The following PER1 variants were observed in gnomAD, a reference collection of about 807,000 sequenced individuals.
The protein encoded by PER1 is period circadian protein homolog 1.
In PER1, 87 loss-of-function variants were observed where a neutral mutation model predicts 125.9. The observed-to-expected ratio is 0.69, with a 90% CI of 0.58 to 0.83. The LOEUF is 0.83. Ranked by LOEUF, PER1 falls within the 40% of genes least tolerant of loss-of-function variation. The probability of loss-of-function intolerance (pLI) is 0.00; values close to 1 mark genes in which losing one functional copy is unlikely to be tolerated. For synonymous variants in PER1, 801 were observed against 714.7 expected, an observed-to-expected ratio of 1.12 and a Z score of -1.93; for missense variants, 1,775 against 1,722.8, an observed-to-expected ratio of 1.03 and a Z score of -0.54.
chr17:8,144,848 C>G lies in PER1; in HGVS notation c.2364G>C (p.Gln788His), dbSNP rs1471652945. The change falls in exon 18 of 23, where the codon CAG becomes CAC. Residue 788 changes from glutamine to histidine, a missense_variant. By Grantham distance (24) the Gln-to-His change is conservative. Coordinates refer to ENST00000317276, the MANE Select transcript of PER1 (RefSeq NM_002616.3). ...LTKAVLSLHT[Q>H]KEEQAFLSRF... ...GGCTGAGGAAGGCTTGCTCTTCCTT[C>G]TGTGTGTGCAGGGACAGCACGGCCT... 8.2e-6 allele frequency: 13 copies of G among 1,587,202 alleles called. No individual in the cohort carries two copies. Among genetic ancestry groups the G allele is most frequent in the South Asian group, 5.7e-5 (5 of 87,278 alleles).
rs200398465 is a variant in PER1, at chr17:8,141,172, C to T, written c.3769G>A (p.Gly1257Arg). Reference protein sequence around the residue: ...EGEGCEEAQGGAKASSSQDLA... With the variant: ...EGEGCEEAQGRAKASSSQDLA... The stretch of plus-strand genomic sequence containing the variant: ...TCCTGAGAGCTTGAAGCCTTGGCCC[C>T]GCCTTGGGCCTCCTCGCAGCCCTCT... Residue 1257 changes from glycine (G) to arginine (R), a missense_variant, in exon 23 of 23, where the codon GGG becomes AGG. Coordinates refer to ENST00000317276, the MANE Select transcript of PER1 (RefSeq NM_002616.3). 1.5e-5 allele frequency: 25 copies of T among 1,614,084 alleles called. No individual in the cohort carries two copies. The Middle Eastern group carries it at 8.2e-4, about 53-fold the overall frequency.
At position 8,143,442 on chromosome 17, in the gene PER1, G is replaced by C; in HGVS notation, c.2896C>G (p.Pro966Ala). 1 of 1,610,498 alleles carries C rather than the reference G, an allele frequency of 6.2e-7. No individual in the cohort carries two copies. Among genetic ancestry groups the C allele is most frequent in the Non-Finnish European group, 8.5e-7 (1 of 1,178,092 alleles). Reference protein sequence around the residue: ...PSLPALAPSPPHRPDSPLFNS... With the variant: ...PSLPALAPSPAHRPDSPLFNS... ...AACAGTGGAGAGTCCGGGCGGTGAG[G>C]AGGACTCGGGGCGAGGGCGGGCAAG... The change falls in exon 19 of 23, where the codon CCT (proline) becomes GCT (alanine). Residue 966 changes from proline (P) to alanine (A), a missense_variant. Transcript: ENST00000317276.
In PER1 at chr17:8,143,312, C is replaced by T. The variant is rs749925114; in HGVS notation, c.3026G>A (p.Gly1009Glu). 1 of 1,593,522 alleles carries T rather than the reference C, an allele frequency of 6.3e-7. No individual in the cohort carries two copies. Among genetic ancestry groups the T allele is most frequent in the Non-Finnish European group, 8.6e-7 (1 of 1,169,100 alleles). ...AVAGGPGSSA[G>E]PPPPSAEAAE... ...AGCCTCCGCACTGGGAGGTGGGGGC[C>T]CGGCACTGCTCCCAGGGCCTCCTGC... The change falls in exon 19 of 23, where the codon GGG becomes GAG. Residue 1009 changes from glycine to glutamate, a missense_variant. Physicochemically the swap from Gly to Glu is moderately conservative, Grantham distance 98. Transcript: ENST00000317276.
rs896706770 is a variant in PER1 at position 8,148,018 on chromosome 17, T to G, written c.1213A>C (p.Met405Leu). 1 of 1,613,106 alleles carries G rather than the reference T, an allele frequency of 6.2e-7. No homozygotes were observed. The highest frequency in any genetic ancestry group is 1.1e-5 in the South Asian group (1 of 90,932). ...LFLHPEDRPL[M>L]LAIHKKILQL... ...TCACTCTTCTTGTGGATAGCCAGCA[T>G]GAGGGGTCGGTCCTCAGGATGCAGG... is the stretch of plus-strand genomic sequence containing the variant. The change falls in exon 10 of 23, where the codon ATG (methionine) becomes CTG (leucine). Residue 405 changes from methionine (M) to leucine (L), a missense_variant. Coordinates refer to ENST00000317276, the MANE Select transcript of PER1 (RefSeq NM_002616.3).
rs748359668 is a variant in PER1, at chr17:8,147,699, C to T, written c.1363G>A (p.Val455Met). 4 of 1,613,970 alleles carry T rather than the reference C, an allele frequency of 2.5e-6. No homozygotes were observed. Among genetic ancestry groups the T allele is most frequent in the African/African-American group, 1.3e-5 (1 of 74,946 alleles). The change falls in exon 11 of 23, where the codon GTG becomes ATG. Residue 455 changes from valine (V) to methionine (M), a missense_variant. Coordinates refer to ENST00000317276, the MANE Select transcript of PER1 (RefSeq NM_002616.3). The stretch of plus-strand genomic sequence containing the variant: ...GTGCGTACTTTGTGGCGGCCCAACA[C>T]GAAGGCTACCTTGCGGCTCCAGGGG... Reference protein sequence around the residue: ...VHPWSRKVAFVLGRHKVRTAP... With the variant: ...VHPWSRKVAFMLGRHKVRTAP...
In PER1 at chr17:8,143,288, G is replaced by A. The variant is rs1241841424; in HGVS notation, c.3050C>T (p.Ala1017Val). The A allele has an allele frequency of 1.3e-6, 2 of 1,564,784 alleles. No homozygotes were observed. Among genetic ancestry groups the A allele is most frequent in the Admixed American group, 3.6e-5 (2 of 55,576 alleles). The change falls in exon 19 of 23, where the codon GCT (alanine) becomes GTT (valine). Residue 1017 changes from alanine to valine, a missense_variant. Ala to Val is a moderately conservative substitution (Grantham distance 64, BLOSUM62 0). Coordinates refer to ENST00000317276, the MANE Select transcript of PER1 (RefSeq NM_002616.3). ...SAGPPPPSAE[A>V]AEPEARLAEV... ...CACCAGTCTGGCCTCTGGCTCAGCA[G>A]CCTCCGCACTGGGAGGTGGGGGCCC...
Position 8,143,441 on chromosome 17 carries a change from G to A in PER1, c.2897C>T (p.Pro966Leu), listed in dbSNP as rs781751799. ...GAACAGTGGAGAGTCCGGGCGGTGA[G>A]GAGGACTCGGGGCGAGGGCGGGCAA... ...PSLPALAPSPPHRPDSPLFNS... is the reference protein window; with the variant it reads ...PSLPALAPSPLHRPDSPLFNS... The change falls in exon 19 of 23, where the codon CCT becomes CTT. Residue 966 changes from proline (P) to leucine (L), a missense_variant. Coordinates refer to ENST00000317276, the MANE Select transcript of PER1 (RefSeq NM_002616.3). The A allele has an allele frequency of 1.9e-6, 3 of 1,610,190 alleles. No individual in the cohort carries two copies. The highest frequency in any genetic ancestry group is 3.4e-5 in the Admixed American group (2 of 59,584).
At chr17:8,146,230 G>C (rs914726907) in intron 16 of PER1, 93 bp from the exon 17 acceptor site, 142 of 1,517,570 alleles carry the variant, frequency 9.4e-5, no homozygotes, top group Non-Finnish European at 1.2e-4. Flanking sequence ...GATGGTGGTA[G>C]GGAACAGAGG....
At chr17:8,148,855 A>T (rs762352820) in intron 7 of PER1, 69 bp from the exon 8 acceptor site, 1 of 1,553,890 alleles carries the variant, frequency 6.4e-7, no homozygotes, top group Non-Finnish European at 8.8e-7. Context: ...CAATAAGGTC[A>T]CAGCAGACAA....
In PER1 at chr17:8,148,098, G is replaced by A. The variant is rs770067945; in HGVS notation, c.1133C>T (p.Ala378Val). ...CLFQDVDERA[A>V]PLLGYLPQDL... The stretch of plus-strand genomic sequence containing the variant: ...CTGGGGCAGGTAGCCCAGCAGGGGG[G>A]CAGCCCTGAACGGGAAGGAGGCATC... The change falls in exon 10 of 23, where the codon GCC (alanine) becomes GTC (valine). Residue 378 changes from alanine (A) to valine (V), a missense_variant. Ala to Val is a moderately conservative substitution (Grantham distance 64). Transcript: ENST00000317276. The A allele has an allele frequency of 6.2e-7, 1 of 1,612,736 alleles. No individual in the cohort carries two copies. The highest frequency in any genetic ancestry group is 2.2e-5 in the East Asian group (1 of 44,876).
chr17:8,148,085 G>T lies in PER1; in HGVS notation c.1146C>A (p.Gly382=). The stretch of plus-strand genomic sequence containing the variant: ...CCCCCAGGAGGTCCTGGGGCAGGTA[G>T]CCCAGCAGGGGGGCAGCCCTGAACG... ...DVDERAAPLL[G]YLPQDLLGAP... is the part of the protein sequence containing the mutation. The change falls in exon 10 of 23, where the codon GGC becomes GGA. Residue 382 remains glycine (G), a synonymous_variant. Transcript: ENST00000317276. The T allele has an allele frequency of 6.2e-7, 1 of 1,612,270 alleles. No homozygotes were observed. Among genetic ancestry groups the T allele is most frequent in the Non-Finnish European group, 8.5e-7 (1 of 1,179,252 alleles).
intron 3 of PER1, 39 bp from the exon 4 acceptor site, chr17:8,150,164 G>C: frequency 6.2e-7 from 1 of 1,607,196 alleles, no homozygotes; most frequent in Middle Eastern, 1.7e-4. Context: ...AAAGACATTA[G>C]TCCCAGAGTG....
rs201198250 is a variant in PER1 at position 8,146,930 on chromosome 17, G to A, written c.1702C>T (p.Arg568Trp). Residue 568 changes from arginine to tryptophan, a missense_variant, in exon 14 of 23, where the codon CGG (arginine) becomes TGG (tryptophan). Arg to Trp is a moderately radical substitution (Grantham distance 101). Transcript: ENST00000317276. ...HQGQQLFIES[R>W]ARPQSRPRLP... ...CGGGGCCGGGACTGAGGCCGGGCCC[G>A]AGACTCAATAAAAAGCTGCTGGCCC... The A allele has an allele frequency of 5.0e-6, 8 of 1,614,056 alleles. No individual in the cohort carries two copies. In the East Asian group the frequency reaches 6.7e-5, roughly 13 times the overall value.
rs1982586857 is a variant in PER1, at chr17:8,148,242, CA to C, written c.1065del (p.Asp356ThrfsTer97). 2 of 1,613,962 alleles carry C rather than the reference CA, an allele frequency of 1.2e-6. No homozygotes were observed. The highest frequency in any genetic ancestry group is 1.7e-6 in the Non-Finnish European group (2 of 1,179,976). On this transcript the variant is annotated frameshift_variant, in exon 9 of 23. Coordinates refer to ENST00000317276, the MANE Select transcript of PER1 (RefSeq NM_002616.3). LOFTEE classifies it high-confidence loss of function. The part of the protein sequence containing the change: ...HSGYEAPRIP[P>X]DKRIFTTRHT... ...TGCCGCGTAGTGAAAATCCTCTTGT[CA>C]GGGGGTATCCGGGGAGCTGAGGCAC...
intron 22 of PER1, among the ~76,000 whole-genome samples, 166 bp downstream of exon 22, chr17:8,141,639 T>C (rs1005970540): frequency 3.3e-5 from 5 of 151,882 alleles, no homozygotes; most frequent in Non-Finnish European, 1.5e-5. Flanking sequence ...TCAACATTCT[T>C]CAGAATTAAT....
chr17:8,143,446 A>G lies in PER1; in HGVS notation c.2892T>C (p.Ser964=). ...PSPSLPALAP[S]PPHRPDSPLF... ...GTGGAGAGTCCGGGCGGTGAGGAGG[A>G]CTCGGGGCGAGGGCGGGCAAGGATG... Residue 964 remains serine (S), a synonymous_variant, in exon 19 of 23, where the codon AGT becomes AGC. Coordinates refer to ENST00000317276, the MANE Select transcript of PER1 (RefSeq NM_002616.3). The G allele has an allele frequency of 6.2e-7, 1 of 1,607,836 alleles. No homozygotes were observed. Among genetic ancestry groups the G allele is most frequent in the Non-Finnish European group, 8.5e-7 (1 of 1,176,948 alleles).
Position 8,144,764 on chromosome 17 carries a change from G to A in PER1, c.2448C>T (p.Ala816=), listed in dbSNP as rs1324229706. 4 of 1,574,934 alleles carry A rather than the reference G, an allele frequency of 2.5e-6. No individual in the cohort carries two copies. The highest frequency in any genetic ancestry group is 2.7e-5 in the African/African-American group (2 of 74,092). ...CCAGGTGGCTACCTCGCTCGCCAAG[G>A]GCTGAGGGAGCTGTGGAAGAGCTGT... The part of the protein sequence containing the change: ...GLDSSSTAPS[A]LGERGCHHGP... Residue 816 remains alanine, a synonymous_variant, in exon 18 of 23, where the codon GCC becomes GCT. Coordinates refer to ENST00000317276, the MANE Select transcript of PER1 (RefSeq NM_002616.3).
At chr17:8,141,377 G>C (rs749909011) in intron 22 of PER1, 37 bp from the exon 23 acceptor site, 77 of 1,560,416 alleles carry the variant, frequency 4.9e-5, no homozygotes, top group South Asian at 7.0e-5. Context: ...AGTCAGACAG[G>C]GTTCTCACTG....
Position 8,144,659 on chromosome 17 carries a change from T to C in PER1, c.2461+92A>G. 3 of 1,497,834 alleles carry C rather than the reference T, an allele frequency of 2.0e-6. 1 individual carries two copies. Among genetic ancestry groups the C allele is most frequent in the South Asian group, 2.4e-5 (2 of 82,690 alleles). The allele number at this position is 1,497,834 out of a possible 1,614,324, so 92.8% of individuals were successfully genotyped here. A position where few individuals can be genotyped will look rare whatever the true frequency, so the allele number is the denominator to read the frequency against. ...TGGAAGCAACACCAGCCTGGGTCCC[T>C]GGAGCAGAAACACCTCCCTTAAGAC... On this transcript the variant is annotated intron_variant, in intron 18 of 22. Transcript: ENST00000317276.
Sources: allele counts gnomAD v4.1 joint callset (sites outside exome capture counted in the v4.1 genomes callset), GRCh38; gene constraint gnomAD v4.1.1; transcripts MANE v1.5; gene names NCBI Gene and HGNC (gene_info 2026-07-23, HGNC 2026-07-21).